MIB1: variants seen among roughly 807,000 people sequenced by gnomAD.
MIB1 encodes the protein E3 ubiquitin-protein ligase MIB1.
In MIB1, 278 loss-of-function variants were observed where a neutral mutation model predicts 124.5. The observed-to-expected ratio is 2.23, with a 90% CI of 2.02 to 2.47. The LOEUF is 2.47. Ranked by LOEUF, MIB1 falls within the 30% of genes most tolerant of loss-of-function variation. MIB1 has a pLI of 0.00. For missense variants in MIB1, 957 were observed against 1,254.4 expected (o/e 0.76, Z 3.58); for synonymous variants, 446 against 429.4 (o/e 1.04, Z -0.48).
At chr18:21,775,723 G>T (rs1463183826) in intron 4 of MIB1, among the ~76,000 whole-genome samples, 1 of 152,124 alleles carries the variant, frequency 6.6e-6, no homozygotes, top group Non-Finnish European at 1.5e-5. Flanking sequence ...TTCAAATGAA[G>T]CCTGTGTGCT....
At chr18:21,860,265 G>A (rs569776944) in intron 20 of MIB1, among the ~76,000 whole-genome samples, 3 of 151,214 alleles carry the variant, frequency 2.0e-5, no homozygotes, top group Non-Finnish European at 3.0e-5. Flanking sequence ...CACCCTCAGC[G>A]AATTTTTATA....
At chr18:21,803,723 A>G (rs1303482239) in intron 9 of MIB1, 184 bp from the exon 10 acceptor site, 6 of 440,304 alleles carry the variant, frequency 1.4e-5, no homozygotes, top group Non-Finnish European at 2.4e-5. Context: ...TTTTAAAACA[A>G]TGCTTGCTTC....
intron 1 of MIB1, among the ~76,000 whole-genome samples, chr18:21,720,726 A>G (rs566453631): frequency 1.3e-5 from 2 of 152,306 alleles, no homozygotes; most frequent in African/African-American, 4.8e-5. Context: ...AGAGGGGTAA[A>G]TTGCTTGAGG....
intron 1 of MIB1, among the ~76,000 whole-genome samples, chr18:21,710,466 T>C (rs945493563): frequency 6.6e-6 from 1 of 152,180 alleles, no homozygotes; most frequent in Non-Finnish European, 1.5e-5. Context: ...AAATCAATTT[T>C]TGCCCAGGTG....
At chr18:21,853,561 C>T (rs1483283499) in intron 18 of MIB1, among the ~76,000 whole-genome samples, 2 of 152,062 alleles carry the variant, frequency 1.3e-5, no homozygotes, top group Non-Finnish European at 2.9e-5. Flanking sequence ...GAAATTAGCA[C>T]GTCTTCATTT....
In MIB1 at chr18:21,756,145, G is replaced by A. The variant is rs547737998; in HGVS notation, c.230-9627G>A. Among the ~76,000 whole-genome samples, 3 of 152,264 alleles carry A rather than the reference G, an allele frequency of 2.0e-5. No individual in the cohort carries two copies. The South Asian group carries it at 6.2e-4, about 32-fold the overall frequency. ...TATCAATTGAGACTATTAACTAGTG[G>A]AATGGATTAACATTTACTGAGCTCC... On this transcript the variant is annotated intron_variant, in intron 1 of 20. Coordinates refer to ENST00000261537, the MANE Select transcript of MIB1 (RefSeq NM_020774.4).
intron 1 of MIB1, among the ~76,000 whole-genome samples, chr18:21,748,728 GC>G (rs1217051653): frequency 7.4e-6 from 1 of 135,408 alleles, no homozygotes; most frequent in African/African-American, 2.9e-5. Flanking sequence ...ATCATGCCCA[GC>G]CTTTTTTTTT....
chr18:21,748,321 C>CT (rs1274787558), intron 1 of MIB1, among the ~76,000 whole-genome samples: 1 of 151,592 alleles, frequency 6.6e-6, no homozygotes, highest in East Asian at 1.9e-4. Flanking sequence ...CAAAACCATT[C>CT]TTTTTTTGCT....
chr18:21,745,362 C>T (rs1378537934), intron 1 of MIB1, among the ~76,000 whole-genome samples: 3 of 152,140 alleles, frequency 2.0e-5, no homozygotes, highest in Admixed American at 2.0e-4. Flanking sequence ...AGGCAGGCAT[C>T]CCTGGCCTCT....
At chr18:21,783,823 T>G (rs1598608874) in intron 6 of MIB1, among the ~76,000 whole-genome samples, 1 of 152,174 alleles carries the variant, frequency 6.6e-6, no homozygotes, top group Non-Finnish European at 1.5e-5. Context: ...CATGGCTCAC[T>G]GAAGCCTTGA....
At position 21,741,740 on chromosome 18, in the gene MIB1, G is replaced by A. The variant is rs773912202; in HGVS notation, c.157G>A (p.Asp53Asn). The change falls in exon 1 of 21, where the codon GAC becomes AAC. Residue 53 changes from aspartate to asparagine, a missense_variant. By Grantham distance (23) the Asp-to-Asn change is conservative (BLOSUM62 1). Coordinates refer to ENST00000261537, the MANE Select transcript of MIB1 (RefSeq NM_020774.4). This position sits in a 1 kb window ranked among gnomAD's most constrained non-coding sequence, Gnocchi z 5.4. The part of the protein sequence containing the change: ...ESPEEVVVVW[D>N]NGTAANYRCS... ...CCCCGAGGAGGTGGTGGTAGTGTGG[G>A]ACAACGGCACAGCTGCCAACTACCG... The A allele has an allele frequency of 6.2e-7, 1 of 1,611,360 alleles. No individual in the cohort carries two copies. The highest frequency in any genetic ancestry group is 8.5e-7 in the Non-Finnish European group (1 of 1,179,272).
At chr18:21,747,754 T>C (rs1371288169) in intron 1 of MIB1, among the ~76,000 whole-genome samples, 1 of 152,228 alleles carries the variant, frequency 6.6e-6, no homozygotes, top group African/African-American at 2.4e-5. Context: ...TTAGATTAGC[T>C]ATTTCTTTTT....
At chr18:21,860,286 C>T (rs537668626) in intron 20 of MIB1, among the ~76,000 whole-genome samples, 24 of 150,896 alleles carry the variant, frequency 1.6e-4, no homozygotes, top group East Asian at 7.8e-4. Context: ...TTTTTAGTAG[C>T]GATAGGGATT....
At chr18:21,783,532 T>C (rs3017054) in intron 6 of MIB1, among the ~76,000 whole-genome samples, 10,399 of 152,042 alleles carry the variant, frequency 0.068, 749 homozygotes, top group African/African-American at 0.18. Flanking sequence ...TGTGAGCCGC[T>C]GTGCCCGGCC....
chr18:21,819,439 A>T, intron 11 of MIB1, 56 bp from the exon 12 acceptor site: 1 of 1,093,500 alleles, frequency 9.1e-7, no homozygotes, highest in Non-Finnish European at 1.3e-6. Flanking sequence ...TGTAAGTATT[A>T]CTATTAGATG....
chr18:21,731,315 T>C (rs769619027), intron 1 of MIB1, among the ~76,000 whole-genome samples: 5 of 152,228 alleles, frequency 3.3e-5, no homozygotes, highest in Non-Finnish European at 7.3e-5. Flanking sequence ...ATCCAGGCTG[T>C]TGCATGTTTC....
At chr18:21,757,138 C>G (rs899071875) in intron 1 of MIB1, among the ~76,000 whole-genome samples, 3 of 151,834 alleles carry the variant, frequency 2.0e-5, no homozygotes, top group African/African-American at 7.3e-5. Flanking sequence ...GTCAACTACA[C>G]TATTTACATT....
At chr18:21,793,721 C>T (rs1209923421) in intron 7 of MIB1, among the ~76,000 whole-genome samples, 3 of 118,434 alleles carry the variant, frequency 2.5e-5, no homozygotes, top group African/African-American at 3.3e-5. Context: ...GTTGAGGCTA[C>T]AGTGAGCAGA....
At chr18:21,781,368 TA>T in intron 6 of MIB1, among the ~76,000 whole-genome samples, 2 of 3,356 alleles carry the variant, frequency 6.0e-4, no homozygotes, top group Middle Eastern at 0.1. Context: ...GTTCAAGTTA[TA>T]TATATATATA....
Sources: gnomAD v4.1 joint callset for allele counts (sites outside exome capture counted in the v4.1 genomes callset) on GRCh38, gnomAD v4.1.1 for gene constraint, Gnocchi (gnomAD v3.1) non-coding constraint, MANE v1.5 for transcripts, NCBI Gene and HGNC (gene_info 2026-07-23, HGNC 2026-07-21) for gene names.